The following UBE2V2 variants were observed in gnomAD, a reference collection of about 807,000 sequenced individuals.
UBE2V2 encodes the protein ubiquitin conjugating enzyme E2 V2.
In UBE2V2, 9 loss-of-function variants were observed where a neutral mutation model predicts 17.2. The ratio of observed to expected loss-of-function variants is 0.52; its 90% CI spans 0.32 to 0.91. The LOEUF (loss-of-function observed/expected upper bound fraction) is 0.91, where lower values mean the gene tolerates loss of function less well. Among genes scored for constraint, UBE2V2 ranks in the 40% least tolerant of loss-of-function variants. The pLI, the probability that UBE2V2 is intolerant of heterozygous loss-of-function variation, is 0.04. For synonymous variants in UBE2V2, 61 were observed against 57.5 expected, an observed-to-expected ratio of 1.06 and a Z score of -0.28; for missense variants, 133 against 182.6, an observed-to-expected ratio of 0.73 and a Z score of 1.56.
chr8:48,037,910 A>G (rs1413312737), intron 1 of UBE2V2, among the ~76,000 whole-genome samples: 1 of 152,142 alleles, frequency 6.6e-6, no homozygotes, highest in Non-Finnish European at 1.5e-5. Flanking sequence ...AGCAAAGTGA[A>G]GTTTATGCTT....
chr8:48,020,406 T>C (rs933785681), intron 1 of UBE2V2, among the ~76,000 whole-genome samples: 14 of 152,258 alleles, frequency 9.2e-5, no homozygotes, highest in Admixed American at 6.6e-4. Flanking sequence ...GTGAGGTGAG[T>C]CTTTTATTGG....
intron 2 of UBE2V2, among the ~76,000 whole-genome samples, chr8:48,048,335 C>T (rs1244690219): frequency 6.6e-6 from 1 of 152,160 alleles, no homozygotes; most frequent in Non-Finnish European, 1.5e-5. Flanking sequence ...ATGTGTTTAT[C>T]ACTTCTTTTT....
chr8:48,049,173 T>A (rs2091519037), intron 2 of UBE2V2, among the ~76,000 whole-genome samples: 1 of 152,198 alleles, frequency 6.6e-6, no homozygotes, highest in Non-Finnish European at 1.5e-5. Flanking sequence ...TGAATTCAGA[T>A]AATGGGATTT....
chr8:48,010,611 C>T (rs2091222125), intron 1 of UBE2V2, among the ~76,000 whole-genome samples: 1 of 150,458 alleles, frequency 6.6e-6, no homozygotes, highest in Non-Finnish European at 1.5e-5. Context: ...CCATATTGGC[C>T]AGGATGGTCT....
rs56888818 is a variant in UBE2V2 at position 48,040,040 on chromosome 8, CTTTTTTT to C, written c.17-2983_17-2977del. ...CCGCCACCATGCCCAGCCTTTTCTA[CTTTTTTT>C]TTTTTTTTTCTTTTGAAATAACTTC... On this transcript the variant is annotated intron_variant, in intron 1 of 3. Transcript: ENST00000523111. Among the ~76,000 whole-genome samples the C allele has an allele frequency of 3.2e-4, 45 of 140,332 alleles. No homozygotes were observed. The South Asian group carries it at 7.3e-3, about 23-fold the overall frequency. The allele number at this position is 140,332 out of a possible 152,430, so 92.1% of individuals were successfully genotyped here.
intron 1 of UBE2V2, chr8:48,034,788 T>C (rs2091409914): frequency 6.6e-6 from 1 of 152,386 alleles, no homozygotes; most frequent in Non-Finnish European, 1.5e-5. Context: ...ATCAAAACTT[T>C]GTGGCTTCAA....
At chr8:48,006,162 C>G (rs1485329657), upstream of UBE2V2, among the ~76,000 whole-genome samples, 1 of 152,176 alleles carries the variant, frequency 6.6e-6, no homozygotes, top group Non-Finnish European at 1.5e-5. Flanking sequence ...ACGTTTAAGT[C>G]TTTAATCCAT....
intron 1 of UBE2V2, among the ~76,000 whole-genome samples, chr8:48,028,061 C>T (rs1207381462): frequency 6.6e-6 from 1 of 152,048 alleles, no homozygotes; most frequent in East Asian, 1.9e-4. Flanking sequence ...ACCATGTTGG[C>T]CAGGCTGGTC....
chr8:48,024,366 T>C (rs11986191), intron 1 of UBE2V2, among the ~76,000 whole-genome samples: 34,105 of 151,866 alleles, frequency 0.22, 7,457 homozygotes, highest in African/African-American at 0.56. Flanking sequence ...GAGGCCAGGG[T>C]AGGTGGATCA....
At chr8:48,050,785 C>T (rs1006290864) in intron 3 of UBE2V2, among the ~76,000 whole-genome samples, 4 of 151,654 alleles carry the variant, frequency 2.6e-5, no homozygotes, top group Non-Finnish European at 5.9e-5. Context: ...GATGACTGTT[C>T]ATGAAAAGGA....
intron 3 of UBE2V2, among the ~76,000 whole-genome samples, chr8:48,050,875 A>C (rs1468422967): frequency 1.3e-5 from 2 of 151,762 alleles, no homozygotes. Flanking sequence ...ATCATTGTCT[A>C]TTTATTTTTG....
the UBE2V2 span, among the ~76,000 whole-genome samples, chr8:48,000,484 C>G: frequency 9.2e-5 from 14 of 152,290 alleles, no homozygotes; most frequent in African/African-American, 3.4e-4. Flanking sequence ...CACCTGCAAG[C>G]CAACCACTCT....
chr8:48,030,974 A>G (rs1316590075), intron 1 of UBE2V2, among the ~76,000 whole-genome samples: 2 of 152,172 alleles, frequency 1.3e-5, no homozygotes, highest in Non-Finnish European at 2.9e-5. Context: ...GTGAGCTGAG[A>G]TTGCACCATT....
intron 1 of UBE2V2, among the ~76,000 whole-genome samples, chr8:48,035,616 A>ATTGTT (rs1554657522): frequency 2.9e-4 from 11 of 37,850 alleles, no homozygotes; most frequent in African/African-American, 6.0e-4. Flanking sequence ...TTTAAAAATT[A>ATTGTT]TTGTTTTTTT....
chr8:48,023,471 CT>C (rs1215321598), intron 1 of UBE2V2, among the ~76,000 whole-genome samples: 3 of 152,022 alleles, frequency 2.0e-5, no homozygotes, highest in Non-Finnish European at 4.4e-5. Flanking sequence ...CTGCCTCGGC[CT>C]CCCAAAGTGC....
intron 1 of UBE2V2, among the ~76,000 whole-genome samples, chr8:48,034,073 C>T (rs1294222919): frequency 6.6e-6 from 1 of 152,042 alleles, no homozygotes; most frequent in Non-Finnish European, 1.5e-5. Context: ...CCAGCTCCAA[C>T]CTTGGTAACC....
upstream of UBE2V2, among the ~76,000 whole-genome samples, chr8:48,004,778 C>T (rs1341009246): frequency 6.6e-6 from 1 of 151,978 alleles, no homozygotes; most frequent in Non-Finnish European, 1.5e-5. Flanking sequence ...ATCCACCTGC[C>T]TTGGCCTCCT....
rs142823560 is a variant in UBE2V2, at chr8:48,016,702, G to T, written c.16+8232G>T. ...TCTCCATGTTGGTGAGGCTGCTCTCGAACTCCCAACCTCAGGTGATCTTCC... is the reference window on the plus strand; with the variant it reads ...TCTCCATGTTGGTGAGGCTGCTCTCTAACTCCCAACCTCAGGTGATCTTCC... On this transcript the variant is annotated intron_variant, in intron 1 of 3. Coordinates refer to ENST00000523111, the MANE Select transcript of UBE2V2 (RefSeq NM_003350.3). 6.7e-5 allele frequency among the ~76,000 whole-genome samples: 10 copies of T among 150,044 alleles called. No individual in the cohort carries two copies. In the South Asian group the frequency reaches 2.1e-3, roughly 32 times the overall value.
intron 1 of UBE2V2, among the ~76,000 whole-genome samples, chr8:48,031,527 C>A (rs1446384689): frequency 2.0e-5 from 3 of 152,120 alleles, no homozygotes; most frequent in Non-Finnish European, 2.9e-5. Context: ...TGATTAATTT[C>A]TCCTGTATGT....
Sources: allele counts gnomAD v4.1 joint callset (sites outside exome capture counted in the v4.1 genomes callset), GRCh38; gene constraint gnomAD v4.1.1; transcripts MANE v1.5; gene names NCBI Gene and HGNC (gene_info 2026-07-23, HGNC 2026-07-21).